Variants in PTPRD observed in about 807,000 individuals in gnomAD.
The protein encoded by PTPRD is protein tyrosine phosphatase receptor type D, also known as receptor-type tyrosine-protein phosphatase delta.
Under a neutral mutation model 214.5 loss-of-function variants are expected in PTPRD, and 34 were observed. The ratio of observed to expected loss-of-function variants is 0.16; its 90% CI spans 0.12 to 0.21. The LOEUF (loss-of-function observed/expected upper bound fraction) is 0.21, where lower values mean the gene tolerates loss of function less well. PTPRD is among the 10% of genes least tolerant of loss of function. PTPRD has a pLI of 1.00. For synonymous variants in PTPRD, 1,128 were observed against 845.7 expected, an observed-to-expected ratio of 1.33 and a Z score of -5.79; for missense variants, 2,545 against 2,398.7, an observed-to-expected ratio of 1.06 and a Z score of -1.27.
intron 2 of PTPRD, among the ~76,000 whole-genome samples, chr9:10,431,714 T>A (rs2098680993): frequency 6.6e-6 from 1 of 152,018 alleles, no homozygotes; most frequent in Non-Finnish European, 1.5e-5. Flanking sequence ...ATCAGAGAAA[T>A]GCAAATCAAA....
intron 39 of PTPRD, among the ~76,000 whole-genome samples, chr9:8,352,938 C>G (rs1302636336): frequency 6.6e-6 from 1 of 151,996 alleles, no homozygotes; most frequent in Non-Finnish European, 1.5e-5. Context: ...TGGTGAAACC[C>G]CGTCTCTACT....
intron 26 of PTPRD, among the ~76,000 whole-genome samples, chr9:8,494,430 G>C (rs2097215712): frequency 6.6e-6 from 1 of 152,188 alleles, no homozygotes; most frequent in Non-Finnish European, 1.5e-5. Flanking sequence ...TAACATTCCA[G>C]AGGATAGAAA....
rs370400680 is a variant in PTPRD, at chr9:10,301,452, G to T, written c.-545+39511C>A. Among the ~76,000 whole-genome samples the T allele has an allele frequency of 1.4e-4, 22 of 152,248 alleles. No individual in the cohort carries two copies. The East Asian group carries it at 4.3e-3, about 29-fold the overall frequency. ...TTGACAGAAGTAAGCCTCAGAAGGT[G>T]GGTAATAACAAACTCCTCCGAGCTA... On this transcript the variant is annotated intron_variant, in intron 3 of 45. Transcript: ENST00000381196.
intron 8 of PTPRD, among the ~76,000 whole-genome samples, chr9:9,458,368 G>A (rs529088199): frequency 1.1e-4 from 16 of 151,838 alleles, no homozygotes; most frequent in East Asian, 7.8e-4. Flanking sequence ...AGTATAAAAC[G>A]TTTATTTTTT....
chr9:9,438,544 A>G (rs1344591012), intron 8 of PTPRD, among the ~76,000 whole-genome samples: 2 of 152,230 alleles, frequency 1.3e-5, no homozygotes, highest in Non-Finnish European at 2.9e-5. Flanking sequence ...TAAATGTGTT[A>G]GCAAATTGTA....
intron 2 of PTPRD, among the ~76,000 whole-genome samples, chr9:10,525,829 CTT>C (rs1186737761): frequency 6.6e-6 from 1 of 151,770 alleles, no homozygotes; most frequent in Non-Finnish European, 1.5e-5. Flanking sequence ...TCGCTTTCCA[CTT>C]TGTTTTTACA....
intron 9 of PTPRD, among the ~76,000 whole-genome samples, chr9:9,384,740 C>G: frequency 6.6e-6 from 1 of 151,890 alleles, no homozygotes; most frequent in East Asian, 1.9e-4. Context: ...TACAGACTTT[C>G]TATTATGATG....
chr9:10,534,885 T>C (rs1330163604), intron 2 of PTPRD, among the ~76,000 whole-genome samples: 2 of 152,306 alleles, frequency 1.3e-5, no homozygotes, highest in Middle Eastern at 3.4e-3. Context: ...AAAACTGGTG[T>C]CTGGTCTCAA....
intron 5 of PTPRD, among the ~76,000 whole-genome samples, chr9:9,889,252 C>T (rs902618602): frequency 1.3e-5 from 2 of 152,202 alleles, no homozygotes; most frequent in Middle Eastern, 3.4e-3. Flanking sequence ...AAAATGCTGA[C>T]AGTGGACGTC....
intron 3 of PTPRD, among the ~76,000 whole-genome samples, chr9:10,208,853 C>T (rs2099499928): frequency 1.3e-5 from 2 of 151,980 alleles, no homozygotes; most frequent in African/African-American, 4.8e-5. Flanking sequence ...GACAAGGCAC[C>T]GAGGCATATT....
intron 2 of PTPRD, among the ~76,000 whole-genome samples, chr9:10,432,085 A>C (rs62538379): frequency 1.1e-3 from 160 of 152,064 alleles, no homozygotes; most frequent in African/African-American, 3.5e-3. Flanking sequence ...CACATATACA[A>C]CATGGAATAC....
intron 23 of PTPRD, among the ~76,000 whole-genome samples, chr9:8,501,801 A>G (rs2097416029): frequency 6.6e-6 from 1 of 152,200 alleles, no homozygotes; most frequent in South Asian, 2.1e-4. Flanking sequence ...TTCTGACTGT[A>G]ACTTGTACTT....
intron 11 of PTPRD, among the ~76,000 whole-genome samples, chr9:9,009,631 G>C (rs190583617): frequency 6.6e-5 from 10 of 152,094 alleles, no homozygotes; most frequent in African/African-American, 2.4e-4. Context: ...GAAACAAGTA[G>C]AATGATGATT....
intron 5 of PTPRD, among the ~76,000 whole-genome samples, chr9:9,832,854 G>C (rs998381056): frequency 6.6e-6 from 1 of 150,716 alleles, no homozygotes; most frequent in Non-Finnish European, 1.5e-5. Flanking sequence ...ATGAGTTTTT[G>C]TAGGAATTCA....
intron 9 of PTPRD, among the ~76,000 whole-genome samples, chr9:9,276,668 T>C (rs1945772570): frequency 6.6e-6 from 1 of 151,382 alleles, no homozygotes; most frequent in Admixed American, 6.6e-5. Flanking sequence ...CACATGTACC[T>C]CTTTCTCCAC....
chr9:10,571,843 G>A (rs942405243), intron 2 of PTPRD, among the ~76,000 whole-genome samples: 1 of 152,088 alleles, frequency 6.6e-6, no homozygotes, highest in Non-Finnish European at 1.5e-5. Context: ...ATGCTCCTGT[G>A]AGAATTGAAT....
intron 2 of PTPRD, among the ~76,000 whole-genome samples, chr9:10,564,457 AG>A: frequency 6.6e-6 from 1 of 151,790 alleles, no homozygotes; most frequent in East Asian, 1.9e-4. Flanking sequence ...AAAAAAAAAA[AG>A]AAATTTTCTG....
chr9:8,408,626 C>T (rs572554192), intron 35 of PTPRD, among the ~76,000 whole-genome samples: 89 of 152,266 alleles, frequency 5.8e-4, no homozygotes, highest in Non-Finnish European at 9.7e-4. Flanking sequence ...GCTACTTCGT[C>T]GTATTTTTTG....
intron 33 of PTPRD, among the ~76,000 whole-genome samples, chr9:8,450,944 A>T (rs931707330): frequency 6.6e-6 from 1 of 152,154 alleles, no homozygotes; most frequent in African/African-American, 2.4e-5. Flanking sequence ...GTGGGGGGGA[A>T]AAGGTGCTGC....
Sources: allele counts gnomAD v4.1 joint callset (sites outside exome capture counted in the v4.1 genomes callset), GRCh38; gene constraint gnomAD v4.1.1; transcripts MANE v1.5; gene names NCBI Gene and HGNC (gene_info 2026-07-23, HGNC 2026-07-21).